Variants in AFAP1 observed in about 807,000 individuals in gnomAD.
AFAP1 encodes the protein actin filament-associated protein 1.
Under a neutral mutation model 93.9 loss-of-function variants are expected in AFAP1, and 75 were observed. The ratio of observed to expected loss-of-function variants is 0.80; its 90% CI spans 0.66 to 0.97. The LOEUF is 0.97. Among genes scored for constraint, AFAP1 ranks in the 50% least tolerant of loss-of-function variants. AFAP1 has a pLI of 0.00. For missense variants in AFAP1, 1,201 were observed against 1,050.8 expected (o/e 1.14, Z -1.98); for synonymous variants, 517 against 430.7 (o/e 1.20, Z -2.48).
At chr4:7,824,424 T>TACACACAC (rs10660353) in intron 6 of AFAP1, among the ~76,000 whole-genome samples, 25,071 of 150,492 alleles carry the variant, frequency 0.17, 2,073 homozygotes, top group Middle Eastern at 0.23. Flanking sequence ...AGCATTTGTG[T>TACACACAC]ACACACACAC....
chr4:7,869,878 G>C (rs1282875407), intron 2 of AFAP1, among the ~76,000 whole-genome samples: 3 of 152,012 alleles, frequency 2.0e-5, no homozygotes, highest in African/African-American at 7.2e-5. Flanking sequence ...TCAATAGATA[G>C]GTTTAAAGCA....
chr4:7,762,217 C>T lies in AFAP1; in HGVS notation c.*1548G>A, dbSNP rs1653360532. On this transcript the variant is annotated 3_prime_UTR_variant, in exon 18 of 18. Coordinates refer to ENST00000420658, the MANE Select transcript of AFAP1 (RefSeq NM_001134647.2). ...TAACTGTAAAGTCCCGTGCACCACA[C>T]AGCTAGCGCTCTGAAAGTATGTCTG... The T allele has an allele frequency of 6.6e-6, 1 of 152,278 alleles. No individual in the cohort carries two copies. Among genetic ancestry groups the T allele is most frequent in the Non-Finnish European group, 1.5e-5 (1 of 68,058 alleles). 9.4% of individuals were successfully genotyped at this position (152,278 alleles called of 1,614,324 possible).
intron 8 of AFAP1, among the ~76,000 whole-genome samples, chr4:7,811,320 G>A (rs885260): frequency 1.3e-5 from 2 of 150,362 alleles, no homozygotes; most frequent in Non-Finnish European, 3.0e-5. Context: ...CACCCCCACC[G>A]CAGGAACAAA....
chr4:7,868,977 AAAG>A (rs1304473673), intron 2 of AFAP1, among the ~76,000 whole-genome samples: 2 of 151,830 alleles, frequency 1.3e-5, no homozygotes, highest in Non-Finnish European at 2.9e-5. Flanking sequence ...AGAAAAGAAA[AAAG>A]AAAAAAGAAA....
chr4:7,844,282 AAGAGAG>A lies in AFAP1; in HGVS notation c.335-938_335-933del, dbSNP rs146569362. Reference sequence around the variant, plus strand: ...CCCATAGGTCTGGTGGTCTTTTAAGAAGAGAGAGAGAGAGAGAGAGCTCTGTCCCCA... The same window carrying A: ...CCCATAGGTCTGGTGGTCTTTTAAGAAGAGAGAGAGAGAGCTCTGTCCCCA... On this transcript the variant is annotated intron_variant, in intron 4 of 17. Transcript: ENST00000420658. 1.7e-4 allele frequency among the ~76,000 whole-genome samples: 26 copies of A among 149,018 alleles called. No homozygotes were observed. The East Asian group carries it at 1.8e-3, about 10-fold the overall frequency.
At chr4:7,821,501 T>G (rs1042123055) in intron 6 of AFAP1, among the ~76,000 whole-genome samples, 1 of 152,164 alleles carries the variant, frequency 6.6e-6, no homozygotes, top group East Asian at 1.9e-4. Context: ...CAACCCCTAC[T>G]GAGCTCATCA....
intron 9 of AFAP1, among the ~76,000 whole-genome samples, chr4:7,801,185 C>T (rs1034759230): frequency 1.1e-4 from 16 of 152,334 alleles, no homozygotes; most frequent in Admixed American, 2.6e-4. Context: ...AGATCCCCAG[C>T]GCTGGAAGCA....
chr4:7,931,516 G>A (rs879494934), intron 1 of AFAP1, among the ~76,000 whole-genome samples: 28 of 151,512 alleles, frequency 1.8e-4, no homozygotes, highest in Non-Finnish European at 2.6e-4. Context: ...TGAGTAGCTA[G>A]AATCACAGGT....
intron 16 of AFAP1, among the ~76,000 whole-genome samples, chr4:7,770,620 T>C (rs1203428672): frequency 6.6e-6 from 1 of 152,020 alleles, no homozygotes; most frequent in African/African-American, 2.4e-5. Flanking sequence ...AGAGAATCCT[T>C]AAATGCTTGG....
At chr4:7,819,873 C>T (rs1720813162) in intron 6 of AFAP1, among the ~76,000 whole-genome samples, 1 of 152,238 alleles carries the variant, frequency 6.6e-6, no homozygotes. Context: ...AATCAATTAA[C>T]TGCCCTGTGC....
rs183448448 is a variant in AFAP1, at chr4:7,874,465, G to A, written c.-2-2385C>T. 3.2e-3 allele frequency among the ~76,000 whole-genome samples: 434 copies of A among 134,054 alleles called. 3 individuals are homozygous for A. The highest frequency in any genetic ancestry group is 0.01 in the African/African-American group (359 of 35,090). The allele number at this position is 134,054 out of a possible 152,430, so 87.9% of individuals were successfully genotyped here. ...TGCAAGTTCTGCCTCCTGGGCTCAC[G>A]CCATTCTCCTGCCTCAGCCTCCTGA... On this transcript the variant is annotated intron_variant, in intron 1 of 17. Transcript: ENST00000420658.
intron 6 of AFAP1, among the ~76,000 whole-genome samples, chr4:7,837,454 G>A (rs1231157129): frequency 6.6e-6 from 1 of 152,184 alleles, no homozygotes; most frequent in African/African-American, 2.4e-5. Context: ...CTGTGAACCA[G>A]GAAGCAGGCC....
At chr4:7,880,855 G>A (rs1717799247) in intron 1 of AFAP1, among the ~76,000 whole-genome samples, 1 of 152,168 alleles carries the variant, frequency 6.6e-6, no homozygotes, top group Non-Finnish European at 1.5e-5. Flanking sequence ...ATCACTTCCT[G>A]CTGCATCTGA....
chr4:7,936,225 CAG>C (rs1259891496), intron 1 of AFAP1, among the ~76,000 whole-genome samples: 1 of 152,228 alleles, frequency 6.6e-6, no homozygotes, highest in African/African-American at 2.4e-5. Flanking sequence ...CTCCTTTCTA[CAG>C]AGACACGTGG....
At chr4:7,859,424 A>T (rs1715429544) in intron 3 of AFAP1, among the ~76,000 whole-genome samples, 1 of 152,048 alleles carries the variant, frequency 6.6e-6, no homozygotes, top group South Asian at 2.1e-4. Context: ...GTCTCGAAAA[A>T]AAATAAAACA....
intron 6 of AFAP1, among the ~76,000 whole-genome samples, chr4:7,822,091 T>C (rs1022854042): frequency 3.7e-4 from 36 of 98,212 alleles, no homozygotes; most frequent in Middle Eastern, 5.6e-3. Context: ...AGGTGTTTAT[T>C]AAGTCTCCAA....
At chr4:7,869,010 G>C (rs1212946599) in intron 2 of AFAP1, among the ~76,000 whole-genome samples, 1 of 134,466 alleles carries the variant, frequency 7.4e-6, no homozygotes, top group African/African-American at 2.9e-5. Flanking sequence ...AAAGAGAAAG[G>C]GAAAGGGAAA....
At chr4:7,804,721 C>G (rs760417162) in intron 9 of AFAP1, among the ~76,000 whole-genome samples, 1 of 152,148 alleles carries the variant, frequency 6.6e-6, no homozygotes, top group Non-Finnish European at 1.5e-5. Context: ...TAGTGCCTGC[C>G]CACCCCAGAG....
intron 17 of AFAP1, among the ~76,000 whole-genome samples, chr4:7,764,743 T>C (rs1411879959): frequency 6.6e-6 from 1 of 152,228 alleles, no homozygotes; most frequent in Non-Finnish European, 1.5e-5. Flanking sequence ...CACTGTGCCA[T>C]GCACTGGGTG....
Sources: allele counts gnomAD v4.1 joint callset (sites outside exome capture counted in the v4.1 genomes callset), GRCh38; gene constraint gnomAD v4.1.1; transcripts MANE v1.5; gene names NCBI Gene and HGNC (gene_info 2026-07-23, HGNC 2026-07-21).